Variants in ATRX observed in about 807,000 individuals in gnomAD.
ATRX encodes the protein chromatin remodeler ATRX.
In ATRX, 12 loss-of-function variants were observed where a neutral mutation model predicts 172.6. The ratio of observed to expected loss-of-function variants is 0.07; its 90% CI spans 0.04 to 0.11. The LOEUF is 0.11. Among genes scored for constraint, ATRX ranks in the 10% least tolerant of loss-of-function variants. The pLI is 1.00. For synonymous variants in ATRX, 674 were observed against 594.7 expected (o/e 1.13, Z -1.94); for missense variants, 1,368 against 1,767.4 (o/e 0.77, Z 4.05).
intron 15 of ATRX, among the ~76,000 whole-genome samples, chrX:77,643,085 C>G (rs782495916): frequency 1.8e-5 from 2 of 112,041 alleles, no homozygotes; most frequent in Non-Finnish European, 3.8e-5. Flanking sequence ...GCAGCAGCAC[C>G]CTGTTTCCCA....
At chrX:77,673,473 CT>C (rs782736003) in intron 10 of ATRX, among the ~76,000 whole-genome samples, 6 of 110,954 alleles carry the variant, frequency 5.4e-5, no homozygotes, top group African/African-American at 1.3e-4. Context: ...GATTAGTCTA[CT>C]TTTTTTTATA....
chrX:77,513,961 C>T (rs1421714608), intron 34 of ATRX, among the ~76,000 whole-genome samples: 1 of 110,418 alleles, frequency 9.1e-6, no homozygotes, highest in African/African-American at 3.3e-5. Flanking sequence ...TATACACCAA[C>T]AAAAGTCAAG....
At chrX:77,580,750 T>C (rs2065798362) in intron 27 of ATRX, among the ~76,000 whole-genome samples, 1 of 111,380 alleles carries the variant, frequency 9.0e-6, no homozygotes, top group Non-Finnish European at 1.9e-5. Flanking sequence ...AGTAAGTACA[T>C]AGAAAAATAC....
intron 30 of ATRX, among the ~76,000 whole-genome samples, chrX:77,549,832 TA>T (rs1400818212): frequency 2.7e-5 from 3 of 111,746 alleles, no homozygotes; most frequent in Non-Finnish European, 3.8e-5. Flanking sequence ...TTTAAAATAA[TA>T]AAGTGGACAG....
Position 77,684,223 on chromosome X carries a change from C to T in ATRX, c.1033G>A (p.Ala345Thr), listed in dbSNP as rs149249195. The change falls in exon 9 of 35, where the codon GCA becomes ACA. Residue 345 changes from alanine to threonine, a missense_variant. Physicochemically the swap from Ala to Thr is moderately conservative, Grantham distance 58. Coordinates refer to ENST00000373344, the MANE Select transcript of ATRX (RefSeq NM_000489.6). ...CSGSVTYSYS[A>T]LIVPKEMIKK... ...ATCATCTCTTTGGGCACAATTAGTG[C>T]GGAATAAGAGTAGGTTACAGAGCCA... 7.0e-5 allele frequency: 85 copies of T among 1,209,283 alleles called. No homozygotes were observed. Among genetic ancestry groups the T allele is most frequent in the Middle Eastern group, 4.6e-4 (2 of 4,372 alleles).
chrX:77,629,044 C>G (rs1482735071), intron 19 of ATRX, among the ~76,000 whole-genome samples: 2 of 112,432 alleles, frequency 1.8e-5, no homozygotes, highest in Non-Finnish European at 3.8e-5. Context: ...AATCCTAATA[C>G]ATACTCCCAA....
intron 1 of ATRX, among the ~76,000 whole-genome samples, chrX:77,718,925 T>A (rs887520758): frequency 3.7e-4 from 41 of 110,714 alleles, no homozygotes; most frequent in African/African-American, 1.3e-3. Flanking sequence ...ATGTTCTTAG[T>A]TGAGGAAGTG....
intron 1 of ATRX, among the ~76,000 whole-genome samples, chrX:77,778,959 G>A (rs1557204216): frequency 1.9e-5 from 2 of 107,170 alleles, no homozygotes; most frequent in Non-Finnish European, 3.8e-5. Context: ...ACGGAGTCTC[G>A]CTCTGTTGCC....
intron 22 of ATRX, among the ~76,000 whole-genome samples, chrX:77,601,407 G>T (rs2066669504): frequency 9.4e-6 from 1 of 106,698 alleles, no homozygotes; most frequent in Non-Finnish European, 1.9e-5. Flanking sequence ...GAGCCCAGGA[G>T]TTTGAGGTTA....
chrX:77,625,289 T>C (rs1164406769), intron 19 of ATRX, among the ~76,000 whole-genome samples: 2 of 112,495 alleles, frequency 1.8e-5, no homozygotes, highest in Non-Finnish European at 3.8e-5. Context: ...ACTATAAAAA[T>C]TCTAGAAGAT....
chrX:77,639,470 G>T lies in ATRX; in HGVS notation c.4558-3414C>A, dbSNP rs781934546. 2.4e-4 allele frequency among the ~76,000 whole-genome samples: 27 copies of T among 111,717 alleles called. No individual in the cohort carries two copies. In the East Asian group the frequency reaches 5.9e-3, roughly 24 times the overall value. On this transcript the variant is annotated intron_variant, in intron 15 of 34. Coordinates refer to ENST00000373344, the MANE Select transcript of ATRX (RefSeq NM_000489.6). ...CTAGTTAACATCTTAATTTCGGCTT[G>T]GTGGGAAACTAAGCAGAAAACCCAG...
intron 30 of ATRX, among the ~76,000 whole-genome samples, chrX:77,535,005 A>C (rs908944832): frequency 1.8e-5 from 2 of 112,078 alleles, no homozygotes; most frequent in Non-Finnish European, 3.8e-5. Context: ...CTTAACTGCC[A>C]CATGACCCAC....
intron 19 of ATRX, among the ~76,000 whole-genome samples, chrX:77,626,955 GT>G (rs1437663870): frequency 8.9e-6 from 1 of 112,238 alleles, no homozygotes; most frequent in Non-Finnish European, 1.9e-5. Context: ...GCCAGGCGCG[GT>G]GGCTCACGCC....
intron 10 of ATRX, chrX:77,675,541 T>C (rs1163646814): frequency 9.0e-6 from 1 of 111,637 alleles, no homozygotes; most frequent in Non-Finnish European, 1.9e-5. Flanking sequence ...TACTGTTGTT[T>C]TCCTTATTCT....
intron 30 of ATRX, among the ~76,000 whole-genome samples, chrX:77,537,215 A>G (rs929173661): frequency 4.5e-5 from 5 of 111,745 alleles, no homozygotes; most frequent in African/African-American, 1.6e-4. Context: ...CTGAACCCTC[A>G]GTCTTCTGGT....
intron 1 of ATRX, among the ~76,000 whole-genome samples, chrX:77,735,595 A>AAAAT (rs2074508583): frequency 4.6e-5 from 2 of 43,631 alleles, no homozygotes; most frequent in African/African-American, 1.2e-4. Flanking sequence ...CCGTCTCAAA[A>AAAAT]AACTAAATAA....
At chrX:77,586,991 G>C (rs1557077481) in intron 27 of ATRX, among the ~76,000 whole-genome samples, 1 of 109,726 alleles carries the variant, frequency 9.1e-6, no homozygotes, top group Non-Finnish European at 1.9e-5. Context: ...GGAGGCAGAG[G>C]CTGTAGTGAG....
intron 1 of ATRX, among the ~76,000 whole-genome samples, chrX:77,732,597 T>C (rs1300270887): frequency 1.8e-5 from 2 of 112,112 alleles, no homozygotes; most frequent in Non-Finnish European, 3.8e-5. Flanking sequence ...AGGTGGAGTT[T>C]ATCCCTTGGA....
Position 77,706,349 on chromosome X carries a change from T to C in ATRX, c.134-7720A>G. ...GAAGAAAGAATTGTCTTTCAATAAATGGTGCTGAGACAACTGGTTAGAAAC... is the reference window on the plus strand; with the variant it reads ...GAAGAAAGAATTGTCTTTCAATAAACGGTGCTGAGACAACTGGTTAGAAAC... On this transcript the variant is annotated intron_variant, in intron 2 of 34. Coordinates refer to ENST00000373344, the MANE Select transcript of ATRX (RefSeq NM_000489.6). Among the ~76,000 whole-genome samples the C allele has an allele frequency of 1.8e-5, 2 of 110,795 alleles. 1 individual carries two copies. The highest frequency in any genetic ancestry group is 3.8e-5 in the Non-Finnish European group (2 of 53,024).
Sources: gnomAD v4.1 joint callset for allele counts (sites outside exome capture counted in the v4.1 genomes callset) on GRCh38, gnomAD v4.1.1 for gene constraint, MANE v1.5 for transcripts, NCBI Gene and HGNC (gene_info 2026-07-23, HGNC 2026-07-21) for gene names.